Variants in TMEM164 observed in about 807,000 individuals in gnomAD.
TMEM164 encodes the protein RP13-360B22.2.
Under a neutral mutation model 18.8 loss-of-function variants are expected in TMEM164, and 4 were observed. The observed-to-expected ratio is 0.21, with a 90% CI of 0.10 to 0.49. The LOEUF is 0.49. Ranked by LOEUF, TMEM164 falls within the 20% of genes least tolerant of loss-of-function variation. TMEM164 has a pLI of 0.98. For synonymous variants in TMEM164, 86 were observed against 101.7 expected, an observed-to-expected ratio of 0.85 and a Z score of 0.93; for missense variants, 108 against 239.9, an observed-to-expected ratio of 0.45 and a Z score of 3.63.
At chrX:110,011,728 G>A (rs141767019) in intron 2 of TMEM164, among the ~76,000 whole-genome samples, 1,410 of 111,816 alleles carry the variant, frequency 0.013, 25 homozygotes, top group African/African-American at 0.044. Context: ...ATTCTGAGCA[G>A]GTCTAGGATG....
downstream of TMEM164, among the ~76,000 whole-genome samples, chrX:110,180,497 C>CCCCCCCG (rs1569366523): frequency 9.2e-6 from 1 of 108,547 alleles, no homozygotes; most frequent in African/African-American, 3.5e-5. Flanking sequence ...CCCCCCGCCC[C>CCCCCCCG]GCCCACAGTC....
At chrX:110,050,370 A>G (rs2147805156) in intron 2 of TMEM164, among the ~76,000 whole-genome samples, 1 of 112,109 alleles carries the variant, frequency 8.9e-6, no homozygotes, top group East Asian at 2.8e-4. Flanking sequence ...GGGAGTTTTC[A>G]GAAAAGAGCC....
At chrX:110,039,539 G>A (rs768801769) in intron 2 of TMEM164, among the ~76,000 whole-genome samples, 1 of 112,677 alleles carries the variant, frequency 8.9e-6, no homozygotes, top group African/African-American at 3.2e-5. Context: ...TGGATGAATG[G>A]ATGACAGCCT....
At chrX:110,017,616 C>G in intron 2 of TMEM164, among the ~76,000 whole-genome samples, 1 of 95,868 alleles carries the variant, frequency 1.0e-5, no homozygotes. Context: ...GTTGCCCAGG[C>G]TGGAGTACAA....
intron 4 of TMEM164, among the ~76,000 whole-genome samples, chrX:110,122,281 T>C (rs924761426): frequency 3.7e-5 from 4 of 108,866 alleles, no homozygotes; most frequent in Non-Finnish European, 7.6e-5. Flanking sequence ...TGTAGGGACA[T>C]GGATGAAGCT....
chrX:110,104,781 G>A (rs963373374), intron 3 of TMEM164, among the ~76,000 whole-genome samples: 1 of 111,488 alleles, frequency 9.0e-6, no homozygotes, highest in Non-Finnish European at 1.9e-5. Flanking sequence ...TAAGGCTTCT[G>A]GTCAACAGTA....
At chrX:110,090,942 A>G (rs1286985102) in intron 3 of TMEM164, among the ~76,000 whole-genome samples, 1 of 108,222 alleles carries the variant, frequency 9.2e-6, no homozygotes, top group Non-Finnish European at 1.9e-5. Flanking sequence ...CCACCTATGA[A>G]TGAGAACATG....
intron 4 of TMEM164, among the ~76,000 whole-genome samples, chrX:110,122,174 C>A (rs1176161212): frequency 9.2e-6 from 1 of 108,797 alleles, no homozygotes; most frequent in Non-Finnish European, 1.9e-5. Flanking sequence ...TGGAACCAAC[C>A]CAAATGTCCA....
chrX:110,091,925 A>G (rs2065935792), intron 3 of TMEM164, among the ~76,000 whole-genome samples: 1 of 112,078 alleles, frequency 8.9e-6, no homozygotes, highest in African/African-American at 3.2e-5. Flanking sequence ...CTTTCTACAT[A>G]TGGTTAGCCA....
chrX:110,084,487 G>T (rs1382790380), intron 3 of TMEM164, among the ~76,000 whole-genome samples: 3 of 65,957 alleles, frequency 4.5e-5, no homozygotes, highest in African/African-American at 1.3e-4. Flanking sequence ...TAGAGAGAGA[G>T]AGAGAGAGAG....
intron 2 of TMEM164, among the ~76,000 whole-genome samples, chrX:110,017,444 T>TTCTTTCTTTCTTTCTTTC (rs1182465665): frequency 0.033 from 1,432 of 42,959 alleles, 87 homozygotes; most frequent in African/African-American, 0.073. Flanking sequence ...CTTTCTTTCT[T>TTCTTTCTTTCTTTCTTTC]TCTCTCTCTC....
intron 3 of TMEM164, among the ~76,000 whole-genome samples, chrX:110,091,425 C>T (rs141144590): frequency 0.054 from 6,025 of 111,619 alleles, 388 homozygotes; most frequent in African/African-American, 0.18. Flanking sequence ...TGGTATCTCA[C>T]TGTGGTTTTG....
intron 3 of TMEM164, among the ~76,000 whole-genome samples, chrX:110,102,612 A>G (rs2066128779): frequency 1.8e-5 from 2 of 112,182 alleles, no homozygotes; most frequent in Admixed American, 1.9e-4. Flanking sequence ...AGGATAATAC[A>G]GCCACTGTAT....
intron 5 of TMEM164, among the ~76,000 whole-genome samples, chrX:110,147,689 AATATTTCCATT>A (rs757248817): frequency 5.5e-5 from 6 of 110,067 alleles, no homozygotes; most frequent in Non-Finnish European, 1.1e-4. Flanking sequence ...TGTAGCTCTC[AATATTTCCATT>A]ATAATTTGAG....
chrX:110,067,245 T>G, intron 2 of TMEM164, 102 bp from the exon 3 acceptor site: 5 of 825,549 alleles, frequency 6.1e-6, no homozygotes, highest in Non-Finnish European at 9.0e-6. Flanking sequence ...TACATTATTG[T>G]GTTAGAGTTT....
At chrX:110,043,434 C>T (rs1278053069) in intron 2 of TMEM164, among the ~76,000 whole-genome samples, 1 of 111,791 alleles carries the variant, frequency 8.9e-6, no homozygotes, top group Non-Finnish European at 1.9e-5. Context: ...GACTCCAAAG[C>T]CCATGTGTTT....
At chrX:110,054,718 C>T (rs1408673658) in intron 2 of TMEM164, among the ~76,000 whole-genome samples, 1 of 111,683 alleles carries the variant, frequency 9.0e-6, no homozygotes, top group Non-Finnish European at 1.9e-5. Flanking sequence ...TGACACGGGT[C>T]CTAACTCTGC....
intron 2 of TMEM164, among the ~76,000 whole-genome samples, chrX:110,033,050 A>G (rs746597276): frequency 8.9e-5 from 10 of 112,381 alleles, no homozygotes; most frequent in Non-Finnish European, 1.9e-4. Flanking sequence ...AAAGCTCATG[A>G]GAACAATTGT....
chrX:110,132,885 C>T (rs1218871593), intron 4 of TMEM164, among the ~76,000 whole-genome samples: 1 of 112,187 alleles, frequency 8.9e-6, no homozygotes, highest in Non-Finnish European at 1.9e-5. Flanking sequence ...AGTTAAAGTG[C>T]TTAGAACAAG....
Sources: gnomAD v4.1 joint callset for allele counts (sites outside exome capture counted in the v4.1 genomes callset) on GRCh38, gnomAD v4.1.1 for gene constraint, MANE v1.5 for transcripts, NCBI Gene and HGNC (gene_info 2026-07-23, HGNC 2026-07-21) for gene names.